TRIP12: variants seen among roughly 807,000 people sequenced by gnomAD.
TRIP12 encodes E3 ubiquitin-protein ligase TRIP12.
A neutral mutation model predicts 244.2 loss-of-function variants in TRIP12; 25 were observed. The observed-to-expected ratio is 0.10, with a 90% CI of 0.07 to 0.14. The LOEUF is 0.14. TRIP12 is among the 10% of genes least tolerant of loss of function. TRIP12 has a pLI of 1.00. For synonymous variants in TRIP12, 905 were observed against 873.1 expected, an observed-to-expected ratio of 1.04 and a Z score of -0.64; for missense variants, 1,677 against 2,486.4, an observed-to-expected ratio of 0.67 and a Z score of 6.92.
At chr2:229,777,874 A>G (rs1439952290) in intron 36 of TRIP12, among the ~76,000 whole-genome samples, 2 of 152,214 alleles carry the variant, frequency 1.3e-5, no homozygotes, top group African/African-American at 4.8e-5. Context: ...CTCCGAAAAC[A>G]TGAGAAGAGC....
chr2:229,830,727 T>C (rs773986325), intron 7 of TRIP12, 29 bp downstream of exon 7: 2 of 1,590,208 alleles, frequency 1.3e-6, no homozygotes, highest in South Asian at 1.1e-5. Flanking sequence ...ATGGTAATGG[T>C]TTCTTATAGG....
At chr2:229,859,813 G>A (rs1271398316) in intron 3 of TRIP12, among the ~76,000 whole-genome samples, 2 of 152,136 alleles carry the variant, frequency 1.3e-5, no homozygotes, top group African/African-American at 2.4e-5. Flanking sequence ...AAAGATTACT[G>A]ACACTAACAC....
intron 2 of TRIP12, among the ~76,000 whole-genome samples, chr2:229,860,992 T>A (rs2060388804): frequency 6.6e-6 from 1 of 152,196 alleles, no homozygotes; most frequent in South Asian, 2.1e-4. Context: ...TACTTAAAAT[T>A]CAGGTAAACA....
intron 39 of TRIP12, among the ~76,000 whole-genome samples, chr2:229,769,864 T>A (rs1192764575): frequency 6.6e-6 from 1 of 152,228 alleles, no homozygotes; most frequent in Admixed American, 6.5e-5. Context: ...AACCCAGATA[T>A]TATAGAATGA....
chr2:229,918,584 T>C (rs1016011691), intron 1 of TRIP12, among the ~76,000 whole-genome samples: 4 of 152,206 alleles, frequency 2.6e-5, no homozygotes, highest in African/African-American at 9.7e-5. Context: ...TCTTTAAACA[T>C]ATTAACAAGT....
In TRIP12 at chr2:229,811,896, A is replaced by G. The variant is rs563516263; in HGVS notation, c.1987-692T>C. On this transcript the variant is annotated intron_variant, in intron 13 of 41. Transcript: ENST00000675903. ...CTACAAAAATGAGAATAATTCAGAT[A>G]TTATAAAAGCCTATAGCCTAAACCT... is the stretch of plus-strand genomic sequence containing the variant. Among the ~76,000 whole-genome samples the G allele has an allele frequency of 1.2e-4, 19 of 152,366 alleles. No individual in the cohort carries two copies. The South Asian group carries it at 3.9e-3, about 32-fold the overall frequency.
At chr2:229,873,357 G>C (rs1439184794) in intron 2 of TRIP12, among the ~76,000 whole-genome samples, 1 of 152,146 alleles carries the variant, frequency 6.6e-6, no homozygotes, top group African/African-American at 2.4e-5. Context: ...TGAACATTTG[G>C]AGCATAAGCA....
chr2:229,898,253 T>A (rs1451136809), intron 1 of TRIP12, among the ~76,000 whole-genome samples: 2 of 152,220 alleles, frequency 1.3e-5, no homozygotes, highest in East Asian at 3.8e-4. Flanking sequence ...ATTTTTTAAG[T>A]CCCACTTTAT....
chr2:229,858,675 T>C, intron 4 of TRIP12, 97 bp downstream of exon 4: 1 of 1,046,524 alleles, frequency 9.6e-7, no homozygotes, highest in African/African-American at 1.6e-5. Flanking sequence ...TATCTAAGAC[T>C]GGGGGGAAAA....
At chr2:229,785,298 G>C (rs2039658575) in intron 34 of TRIP12, among the ~76,000 whole-genome samples, 2 of 152,218 alleles carry the variant, frequency 1.3e-5, no homozygotes, top group South Asian at 4.1e-4. Flanking sequence ...GTAGGGGATA[G>C]AATGACTGAT....
At chr2:229,823,048 T>C (rs1488043220) in intron 8 of TRIP12, among the ~76,000 whole-genome samples, 2 of 151,950 alleles carry the variant, frequency 1.3e-5, no homozygotes, top group Non-Finnish European at 2.9e-5. Flanking sequence ...AAACCAAAAA[T>C]AAAACAGAGC....
chr2:229,810,847 C>G (rs2047091904), intron 15 of TRIP12, 33 bp downstream of exon 15: 2 of 1,600,740 alleles, frequency 1.2e-6, no homozygotes, highest in East Asian at 2.2e-5. Flanking sequence ...CCAACTTTTC[C>G]TGCTTAAAGT....
At position 229,914,184 on chromosome 2, in the gene TRIP12, G is replaced by A. The variant is rs571782186; in HGVS notation, c.-50+7696C>T. On this transcript the variant is annotated intron_variant, in intron 1 of 41. Coordinates refer to ENST00000675903, the MANE Select transcript of TRIP12 (RefSeq NM_001348323.3). The stretch of plus-strand genomic sequence containing the variant: ...CGCACCACTGCACTCCAGCCTGGGC[G>A]GCAAAGCAAAACTCTGCCTCAAAAA... Among the ~76,000 whole-genome samples the A allele has an allele frequency of 3.1e-3, 466 of 152,002 alleles. 4 individuals carry two copies. Among genetic ancestry groups the A allele is most frequent in the African/African-American group, 0.011 (436 of 41,428 alleles).
chr2:229,873,695 T>C (rs1252642327), intron 2 of TRIP12, among the ~76,000 whole-genome samples: 1 of 152,180 alleles, frequency 6.6e-6, no homozygotes, highest in Non-Finnish European at 1.5e-5. Flanking sequence ...CTCTATTTCT[T>C]TCTATATAAC....
At chr2:229,803,419 G>T in intron 20 of TRIP12, 152 bp downstream of exon 20, 1 of 499,218 alleles carries the variant, frequency 2.0e-6, no homozygotes. Flanking sequence ...CAGCCTAAAA[G>T]ACACATTCTA....
At chr2:229,819,435 C>T (rs1283338295) in intron 8 of TRIP12, among the ~76,000 whole-genome samples, 3 of 152,138 alleles carry the variant, frequency 2.0e-5, no homozygotes, top group Non-Finnish European at 2.9e-5. Context: ...GTCCCAGATA[C>T]GCAGGAGGCT....
At chr2:229,877,642 C>T (rs2063862594) in intron 2 of TRIP12, among the ~76,000 whole-genome samples, 2 of 152,180 alleles carry the variant, frequency 1.3e-5, no homozygotes, top group African/African-American at 4.8e-5. Flanking sequence ...TGATAGCCCA[C>T]AATGATTGTC....
At position 229,788,899 on chromosome 2, in the gene TRIP12, A is replaced by C. The variant is rs1305656912; in HGVS notation, c.4737T>G (p.Ile1579Met). ...TTGCTTTTGCTGTTAACTTACTGTT[A>C]ATAAATTCACTAGTTGGAATAATTT... Reference protein sequence around the residue: ...CKEIIPTSEFINSKLTAKANR... With the variant: ...CKEIIPTSEFMNSKLTAKANR... Residue 1579 changes from isoleucine (I) to methionine (M), a missense_variant, in exon 32 of 42, where the codon ATT (isoleucine) becomes ATG (methionine). Ile to Met is a conservative substitution (Grantham distance 10). This residue lies in a region of TRIP12 where 265 missense variants were observed against 370.8 expected (regional missense o/e 0.71). Transcript: ENST00000675903. 6.2e-7 allele frequency: 1 copy of C among 1,613,808 alleles called. No homozygotes were observed. Among genetic ancestry groups the C allele is most frequent in the Non-Finnish European group, 8.5e-7 (1 of 1,179,814 alleles).
intron 33 of TRIP12, among the ~76,000 whole-genome samples, 193 bp from the exon 34 acceptor site, chr2:229,786,048 T>C (rs2039898246): frequency 6.6e-6 from 1 of 152,218 alleles, no homozygotes; most frequent in Non-Finnish European, 1.5e-5. Flanking sequence ...CTGGCATACA[T>C]TAAGGAAATC....
Sources: gnomAD v4.1 joint callset for allele counts (sites outside exome capture counted in the v4.1 genomes callset) on GRCh38, gnomAD v4.1.1 for gene constraint, gnomAD v4.1.1 regional missense constraint, MANE v1.5 for transcripts, NCBI Gene and HGNC (gene_info 2026-07-23, HGNC 2026-07-21) for gene names.